Variants in FRY observed in about 807,000 individuals in gnomAD.
FRY encodes FRY microtubule binding protein, also known as protein furry homolog.
FRY carries 128 observed loss-of-function variants against 348.4 expected under a neutral mutation model. The ratio of observed to expected loss-of-function variants is 0.37; its 90% CI spans 0.32 to 0.43. The LOEUF is 0.43. FRY is among the 20% of genes least tolerant of loss of function. The pLI is 1.00. For missense variants in FRY, 2,736 were observed against 3,695.2 expected, an observed-to-expected ratio of 0.74 and a Z score of 6.73; for synonymous variants, 1,370 against 1,374.7, an observed-to-expected ratio of 1.00 and a Z score of 0.08.
At chr13:32,197,285 C>T (rs1308414430) in intron 29 of FRY, among the ~76,000 whole-genome samples, 1 of 152,150 alleles carries the variant, frequency 6.6e-6, no homozygotes, top group African/African-American at 2.4e-5. Flanking sequence ...TAATTTAAGT[C>T]AGGCCTAGCA....
At chr13:32,255,465 C>T (rs1326912895) in intron 51 of FRY, among the ~76,000 whole-genome samples, 4 of 152,206 alleles carry the variant, frequency 2.6e-5, no homozygotes, top group African/African-American at 9.6e-5. Context: ...TTTTGTCCTT[C>T]CTGGCCCACT....
At chr13:32,288,936 G>A (rs1340997647) in intron 58 of FRY, among the ~76,000 whole-genome samples, 1 of 152,192 alleles carries the variant, frequency 6.6e-6, no homozygotes, top group Admixed American at 6.5e-5. Flanking sequence ...CATAAGCTGT[G>A]TAATGAACAA....
intron 26 of FRY, among the ~76,000 whole-genome samples, chr13:32,185,787 T>C (rs1374502161): frequency 6.6e-6 from 1 of 152,222 alleles, no homozygotes; most frequent in Non-Finnish European, 1.5e-5. Flanking sequence ...TTGATGTTAA[T>C]AACCTTCTTT....
chr13:32,152,456 A>G (rs566102704), intron 14 of FRY, among the ~76,000 whole-genome samples: 11 of 152,344 alleles, frequency 7.2e-5, no homozygotes, highest in South Asian at 6.2e-4. Flanking sequence ...TAGAGAATCT[A>G]GAAATCTAGA....
intron 58 of FRY, among the ~76,000 whole-genome samples, chr13:32,285,799 G>A (rs1326001521): frequency 1.3e-5 from 2 of 152,162 alleles, no homozygotes; most frequent in African/African-American, 4.8e-5. Flanking sequence ...TCTTCGCACT[G>A]GAAATTCTGC....
At chr13:32,243,941 A>C in intron 46 of FRY, 101 bp from the exon 47 acceptor site, 1 of 1,352,658 alleles carries the variant, frequency 7.4e-7, no homozygotes, top group Non-Finnish European at 1.0e-6. Flanking sequence ...AAAATAAAAA[A>C]TAAAAAGGAA....
At chr13:32,260,996 T>C (rs1245898639) in intron 51 of FRY, among the ~76,000 whole-genome samples, 3 of 152,228 alleles carry the variant, frequency 2.0e-5, no homozygotes, top group African/African-American at 7.2e-5. Flanking sequence ...AAGATGAGCC[T>C]AAAGCAAAAG....
chr13:32,073,079 G>A (rs1225072641), intron 1 of FRY, among the ~76,000 whole-genome samples: 1 of 152,162 alleles, frequency 6.6e-6, no homozygotes, highest in Non-Finnish European at 1.5e-5. Flanking sequence ...CCAGTAATGG[G>A]AGCAGCAGTA....
chr13:32,147,292 C>T lies in FRY; in HGVS notation c.1190C>T (p.Pro397Leu). The T allele has an allele frequency of 1.2e-6, 2 of 1,602,552 alleles. No homozygotes were observed. The highest frequency in any genetic ancestry group is 1.7e-6 in the Non-Finnish European group (2 of 1,169,552). ...TGGTTTCTGTTATAGAACAAAGATC[C>T]CAAGATGGCTCGAGTTGCACTGGAA... ...NCLSNLKNKDPKMARVALESL... is the reference protein window; with the variant it reads ...NCLSNLKNKDLKMARVALESL... Residue 397 changes from proline (P) to leucine (L), a missense_variant, in exon 12 of 61, where the codon CCC (proline) becomes CTC (leucine). By Grantham distance (98) the Pro-to-Leu change is moderately conservative. Coordinates refer to ENST00000542859, the MANE Select transcript of FRY (RefSeq NM_023037.3).
intron 1 of FRY, among the ~76,000 whole-genome samples, chr13:32,041,135 T>G (rs2138362041): frequency 6.6e-6 from 1 of 152,290 alleles, no homozygotes; most frequent in East Asian, 1.9e-4. Context: ...GAAGTTTTTC[T>G]TTTTAAAAAA....
At chr13:32,162,810 G>C (rs978225056) in intron 17 of FRY, among the ~76,000 whole-genome samples, 1 of 152,152 alleles carries the variant, frequency 6.6e-6, no homozygotes, top group Non-Finnish European at 1.5e-5. Context: ...TCCACACTTA[G>C]GGTGTAACTT....
In FRY at chr13:32,276,664, A is replaced by G. The variant is rs569213399; in HGVS notation, c.8385+102A>G. The G allele has an allele frequency of 9.2e-6, 7 of 758,612 alleles. No homozygotes were observed. In the East Asian group the frequency reaches 1.8e-4, roughly 19 times the overall value. The allele number at this position is 758,612 out of a possible 1,614,324, so 47.0% of individuals were successfully genotyped here. On this transcript the variant is annotated intron_variant, in intron 57 of 60. Coordinates refer to ENST00000542859, the MANE Select transcript of FRY (RefSeq NM_023037.3). ...GTTGTGATTAACTTAAGACTTTCAG[A>G]CTTCATCTTTTCCTTTGTTAAGGAT...
At chr13:32,241,406 G>C (rs931118300) in intron 46 of FRY, among the ~76,000 whole-genome samples, 1 of 152,164 alleles carries the variant, frequency 6.6e-6, no homozygotes, top group Non-Finnish European at 1.5e-5. Context: ...AGGACAAAAG[G>C]ACAAATATGA....
At chr13:32,117,600 C>T in intron 4 of FRY, 127 bp downstream of exon 4, 5 of 928,982 alleles carry the variant, frequency 5.4e-6, no homozygotes, top group Non-Finnish European at 8.6e-6. Context: ...GCAGGTGCTG[C>T]AGGGGCCCTG....
At position 32,218,764 on chromosome 13, in the gene FRY, C is replaced by T. The variant is rs544514039; in HGVS notation, c.4698C>T (p.Ile1566=). 12 of 1,595,220 alleles carry T rather than the reference C, an allele frequency of 7.5e-6. No individual in the cohort carries two copies. In the East Asian group the frequency reaches 1.8e-4, roughly 24 times the overall value. The change falls in exon 36 of 61, where the codon ATC becomes ATT. Residue 1566 remains isoleucine, a synonymous_variant. Transcript: ENST00000542859. ...GTATTTGAAGGTTTAGTAATGTCATCAGAGCCCACACTCGCCTCGAGTCAA... is the reference window on the plus strand; with the variant it reads ...GTATTTGAAGGTTTAGTAATGTCATTAGAGCCCACACTCGCCTCGAGTCAA... ...KESDERFSNV[I]RAHTRLESRY...
At chr13:32,228,335 C>A in intron 39 of FRY, 121 bp from the exon 40 acceptor site, 1 of 822,746 alleles carries the variant, frequency 1.2e-6, no homozygotes, top group Admixed American at 1.7e-5. Flanking sequence ...CCGAAAGCAA[C>A]CATTTTCTCC....
chr13:32,131,436 G>C (rs1035520941), intron 7 of FRY, among the ~76,000 whole-genome samples: 2 of 152,172 alleles, frequency 1.3e-5, no homozygotes, highest in African/African-American at 4.8e-5. Context: ...ACCGGGATCT[G>C]CCCCCTCGCC....
chr13:32,037,507 C>T (rs1872573650), intron 1 of FRY, among the ~76,000 whole-genome samples: 1 of 152,182 alleles, frequency 6.6e-6, no homozygotes, highest in Non-Finnish European at 1.5e-5. Flanking sequence ...ATCATAAAAT[C>T]ATGTACAGGA....
intron 17 of FRY, among the ~76,000 whole-genome samples, chr13:32,166,140 C>A (rs1203059797): frequency 6.6e-6 from 1 of 152,190 alleles, no homozygotes; most frequent in Non-Finnish European, 1.5e-5. Context: ...ACACTGGTTT[C>A]TTTTATTTTA....
Sources: gnomAD v4.1 joint callset for allele counts (sites outside exome capture counted in the v4.1 genomes callset) on GRCh38, gnomAD v4.1.1 for gene constraint, MANE v1.5 for transcripts, NCBI Gene and HGNC (gene_info 2026-07-23, HGNC 2026-07-21) for gene names.